The following DPP10 variants were observed in gnomAD, a reference collection of about 807,000 sequenced individuals.
The protein encoded by DPP10 is inactive dipeptidyl peptidase 10.
Under a neutral mutation model 120.9 loss-of-function variants are expected in DPP10, and 33 were observed. The observed-to-expected ratio is 0.27, with a 90% confidence interval of 0.21 to 0.37. The LOEUF is 0.37. Ranked by LOEUF, DPP10 falls within the 10% of genes least tolerant of loss-of-function variation. The pLI is 1.00. For missense variants in DPP10, 816 were observed against 942.8 expected (o/e 0.87, Z 1.76); for synonymous variants, 337 against 326.1 (o/e 1.03, Z -0.36).
At chr2:115,606,397 A>AT (rs2083709016) in intron 5 of DPP10, among the ~76,000 whole-genome samples, 2 of 152,180 alleles carry the variant, frequency 1.3e-5, no homozygotes, top group Admixed American at 6.5e-5. Context: ...ATAACACTAC[A>AT]TTAAAAATAT....
At chr2:114,826,047 C>T (rs1207225435) in intron 1 of DPP10, among the ~76,000 whole-genome samples, 1 of 152,044 alleles carries the variant, frequency 6.6e-6, no homozygotes, top group Non-Finnish European at 1.5e-5. Context: ...AGGCAGATAG[C>T]AAAGCATCTG....
chr2:114,912,711 C>T (rs767858543), intron 1 of DPP10, among the ~76,000 whole-genome samples: 2 of 152,202 alleles, frequency 1.3e-5, no homozygotes, highest in African/African-American at 2.4e-5. Context: ...TGGCCCCAAG[C>T]AGCTCCCAGG....
chr2:115,627,123 A>T (rs1263067339), intron 5 of DPP10, among the ~76,000 whole-genome samples: 2 of 152,186 alleles, frequency 1.3e-5, no homozygotes, highest in African/African-American at 4.8e-5. Context: ...TACAAAAAAA[A>T]TCCAAGAGTA....
intron 7 of DPP10, among the ~76,000 whole-genome samples, chr2:115,717,778 C>A (rs928197615): frequency 5.3e-5 from 8 of 152,134 alleles, no homozygotes; most frequent in African/African-American, 1.9e-4. Flanking sequence ...TGCACCACAT[C>A]ACCCTTGCTG....
chr2:114,899,750 G>A (rs1322403344), intron 1 of DPP10, among the ~76,000 whole-genome samples: 4 of 152,304 alleles, frequency 2.6e-5, no homozygotes, highest in African/African-American at 7.2e-5. Flanking sequence ...GAGGTCAGGA[G>A]ATCGAGACCA....
chr2:115,512,023 C>T (rs569918014), intron 4 of DPP10, among the ~76,000 whole-genome samples: 22 of 151,900 alleles, frequency 1.4e-4, no homozygotes, highest in African/African-American at 4.8e-4. Flanking sequence ...TGAGCCACCA[C>T]ACAAGACTTC....
chr2:115,608,730 A>T (rs1054722741), intron 5 of DPP10, among the ~76,000 whole-genome samples: 2 of 152,170 alleles, frequency 1.3e-5, no homozygotes, highest in Non-Finnish European at 2.9e-5. Context: ...AAGGAACAAT[A>T]GTAAGAAAAC....
intron 1 of DPP10, among the ~76,000 whole-genome samples, chr2:114,478,229 G>A (rs114934733): frequency 1.3e-5 from 2 of 152,144 alleles, no homozygotes; most frequent in African/African-American, 4.8e-5. Context: ...GTGTGATCAA[G>A]TGAGATTTAT....
At chr2:115,514,285 ACTT>A (rs1367257016) in intron 4 of DPP10, among the ~76,000 whole-genome samples, 3 of 151,536 alleles carry the variant, frequency 2.0e-5, no homozygotes, top group Non-Finnish European at 4.4e-5. Flanking sequence ...AATTTTTTGA[ACTT>A]CTTAAGTATA....
intron 1 of DPP10, among the ~76,000 whole-genome samples, chr2:114,582,816 A>G (rs1690644071): frequency 7.0e-6 from 1 of 143,520 alleles, no homozygotes; most frequent in South Asian, 2.2e-4. Flanking sequence ...GGACTTTGAT[A>G]TCTAACCAAT....
intron 1 of DPP10, among the ~76,000 whole-genome samples, chr2:115,042,655 A>C (rs754069592): frequency 3.9e-5 from 6 of 152,216 alleles, no homozygotes; most frequent in Non-Finnish European, 5.9e-5. Context: ...CCTACTGTAG[A>C]TCAGGAAGGC....
chr2:115,346,433 C>T (rs547840875), intron 3 of DPP10, among the ~76,000 whole-genome samples: 59 of 152,162 alleles, frequency 3.9e-4, no homozygotes, highest in African/African-American at 5.1e-4. Context: ...GGAGTCTAGA[C>T]GGCCCTGACA....
At chr2:115,518,768 G>A (rs554722885) in intron 4 of DPP10, among the ~76,000 whole-genome samples, 1 of 152,228 alleles carries the variant, frequency 6.6e-6, no homozygotes, top group South Asian at 2.1e-4. Flanking sequence ...TACTCATCTT[G>A]TAAGTATTAT....
intron 1 of DPP10, among the ~76,000 whole-genome samples, chr2:115,059,851 C>A (rs527736526): frequency 6.6e-6 from 1 of 152,044 alleles, no homozygotes; most frequent in South Asian, 2.1e-4. Flanking sequence ...TTGTTTAAGC[C>A]TCTTGTAGCT....
At chr2:115,025,876 G>A (rs1053338501) in intron 1 of DPP10, among the ~76,000 whole-genome samples, 2 of 151,606 alleles carry the variant, frequency 1.3e-5, no homozygotes, top group African/African-American at 2.4e-5. Context: ...GTGTTTGTTT[G>A]TTTGCTATTG....
At chr2:115,057,441 A>T (rs1262606688) in intron 1 of DPP10, among the ~76,000 whole-genome samples, 4 of 152,290 alleles carry the variant, frequency 2.6e-5, no homozygotes, top group African/African-American at 7.2e-5. Context: ...TAATATTTTA[A>T]CTGTATTCCA....
chr2:114,645,349 A>G (rs1454217787), intron 1 of DPP10, among the ~76,000 whole-genome samples: 1 of 152,248 alleles, frequency 6.6e-6, no homozygotes, highest in Non-Finnish European at 1.5e-5. Context: ...CCATAGGCCA[A>G]GATACCTGAA....
chr2:114,928,693 C>G (rs77401720), intron 1 of DPP10, among the ~76,000 whole-genome samples: 4,203 of 152,202 alleles, frequency 0.028, 184 homozygotes, highest in African/African-American at 0.096. Flanking sequence ...AGTACAGGCT[C>G]TCAGTGGTGG....
chr2:114,681,142 T>C (rs1699000958), intron 1 of DPP10, among the ~76,000 whole-genome samples: 1 of 151,988 alleles, frequency 6.6e-6, no homozygotes, highest in Non-Finnish European at 1.5e-5. Flanking sequence ...TTCTGAAGTC[T>C]TTTTCAATGT....
Sources: allele counts gnomAD v4.1 joint callset (sites outside exome capture counted in the v4.1 genomes callset), GRCh38; gene constraint gnomAD v4.1.1; transcripts MANE v1.5; gene names NCBI Gene and HGNC (gene_info 2026-07-23, HGNC 2026-07-21).